The following HSF2BP variants were observed in gnomAD, a reference collection of about 807,000 sequenced individuals.
The protein encoded by HSF2BP is heat shock transcription factor 2 binding protein, also known as heat shock factor 2-binding protein.
HSF2BP carries 35 observed loss-of-function variants against 35.0 expected under a neutral mutation model. The observed-to-expected ratio is 1.00, with a 90% confidence interval of 0.76 to 1.32. HSF2BP has a LOEUF of 1.32. Among genes scored for constraint, HSF2BP ranks in the 40% most tolerant of loss-of-function variants. HSF2BP has a pLI of 0.00. For missense variants in HSF2BP, 326 were observed against 321.7 expected, an observed-to-expected ratio of 1.01 and a Z score of -0.10; for synonymous variants, 114 against 117.4, an observed-to-expected ratio of 0.97 and a Z score of 0.18.
intron 8 of HSF2BP, among the ~76,000 whole-genome samples, chr21:43,576,170 T>C (rs1240119341): frequency 6.6e-6 from 1 of 151,396 alleles, no homozygotes; most frequent in Non-Finnish European, 1.5e-5. Context: ...CAACAGTATG[T>C]AATGATATCA....
chr21:43,640,048 T>C (rs1039558494), intron 4 of HSF2BP, among the ~76,000 whole-genome samples: 2 of 152,178 alleles, frequency 1.3e-5, no homozygotes, highest in Admixed American at 6.5e-5. Flanking sequence ...ATGCCTGTAA[T>C]CCCAGCACTT....
At chr21:43,639,283 A>C (rs73223099) in intron 4 of HSF2BP, among the ~76,000 whole-genome samples, 2,063 of 152,330 alleles carry the variant, frequency 0.014, 20 homozygotes, top group Non-Finnish European at 0.018. Context: ...ACAGTCTATA[A>C]AAGGAGAAAT....
chr21:43,659,438 G>C lies in HSF2BP; in HGVS notation c.-277C>G. On this transcript the variant is annotated 5_prime_UTR_variant, in exon 1 of 9. Coordinates refer to ENST00000291560, the MANE Select transcript of HSF2BP (RefSeq NM_007031.2). The surrounding 1 kb of genome is among the most constrained non-coding windows in gnomAD (Gnocchi z 4.2). ...AACCGAAAGGCAGCGCCGGCGCCACGTGCACACGGGCTGGGCCGCTCCGCC... is the reference window on the plus strand; with the variant it reads ...AACCGAAAGGCAGCGCCGGCGCCACCTGCACACGGGCTGGGCCGCTCCGCC... The C allele has an allele frequency of 3.7e-6, 1 of 269,152 alleles. No individual in the cohort carries two copies. The highest frequency in any genetic ancestry group is 6.5e-6 in the Non-Finnish European group (1 of 153,576). The allele number at this position is 269,152 out of a possible 1,614,324, so 16.7% of individuals were successfully genotyped here.
chr21:43,643,434 A>C (rs1022791805), intron 4 of HSF2BP, among the ~76,000 whole-genome samples: 9 of 152,080 alleles, frequency 5.9e-5, no homozygotes, highest in African/African-American at 2.2e-4. Context: ...AGGGTGAGTG[A>C]GTTCTTGCTC....
At chr21:43,644,189 T>C in intron 4 of HSF2BP, 100 bp downstream of exon 4, 1 of 775,238 alleles carries the variant, frequency 1.3e-6, no homozygotes, top group Non-Finnish European at 2.2e-6. Flanking sequence ...TTATTGAGGA[T>C]TAAGAGTAAA....
At chr21:43,627,329 T>C (rs2082402606) in intron 6 of HSF2BP, among the ~76,000 whole-genome samples, 1 of 152,228 alleles carries the variant, frequency 6.6e-6, no homozygotes, top group Admixed American at 6.5e-5. Flanking sequence ...ATAATTATTA[T>C]ACTAAAACAA....
the HSF2BP span, among the ~76,000 whole-genome samples, chr21:43,505,500 T>C: frequency 1.0e-5 from 1 of 98,374 alleles, no homozygotes; most frequent in Admixed American, 9.8e-5. Context: ...GGGCTGTGTC[T>C]GGCTTGGGGC....
chr21:43,467,979 ACACACCACACC>A, the HSF2BP span, among the ~76,000 whole-genome samples: 1 of 112,702 alleles, frequency 8.9e-6, no homozygotes, highest in Non-Finnish European at 1.8e-5. Flanking sequence ...CACACACCAC[ACACACCACACC>A]CACACACACC....
chr21:43,598,067 C>T (rs1231069984), intron 7 of HSF2BP, among the ~76,000 whole-genome samples: 2 of 152,178 alleles, frequency 1.3e-5, no homozygotes, highest in Admixed American at 1.3e-4. Context: ...TAAGACTGGA[C>T]ACAATAAGCA....
chr21:43,656,763 T>C (rs1433059381), intron 2 of HSF2BP, 26 bp from the exon 3 acceptor site: 4 of 1,593,708 alleles, frequency 2.5e-6, no homozygotes, highest in Non-Finnish European at 2.6e-6. Context: ...GATCTTATTA[T>C]ATTTCTCTTC....
chr21:43,584,348 C>T (rs1037595754), intron 8 of HSF2BP, among the ~76,000 whole-genome samples: 4 of 152,162 alleles, frequency 2.6e-5, no homozygotes, highest in Non-Finnish European at 5.9e-5. Flanking sequence ...GCTGGTGTTT[C>T]AGTTTGAGTT....
intron 7 of HSF2BP, among the ~76,000 whole-genome samples, chr21:43,608,018 C>T (rs1174882409): frequency 1.3e-5 from 2 of 152,142 alleles, no homozygotes; most frequent in African/African-American, 4.8e-5. Flanking sequence ...AGGAAATAGT[C>T]TTCTGGATAT....
At chr21:43,608,181 T>C (rs1317387472) in intron 7 of HSF2BP, among the ~76,000 whole-genome samples, 2 of 151,780 alleles carry the variant, frequency 1.3e-5, no homozygotes, top group Admixed American at 1.3e-4. Context: ...GGAGAAAATA[T>C]TCGCAAACTA....
At chr21:43,499,720 C>A in the HSF2BP span, among the ~76,000 whole-genome samples, 2 of 119,210 alleles carry the variant, frequency 1.7e-5, 1 homozygote, top group Non-Finnish European at 3.9e-5. Flanking sequence ...TCCTGCCCCC[C>A]ACCTGCTCAC....
At chr21:43,643,414 T>G (rs1407370468) in intron 4 of HSF2BP, among the ~76,000 whole-genome samples, 1 of 152,174 alleles carries the variant, frequency 6.6e-6, no homozygotes, top group Non-Finnish European at 1.5e-5. Context: ...GCGATTAATG[T>G]GCTCTCTGGA....
At chr21:43,657,246 TG>T (rs1568948542) in intron 2 of HSF2BP, among the ~76,000 whole-genome samples, 2 of 152,126 alleles carry the variant, frequency 1.3e-5, no homozygotes, top group Non-Finnish European at 2.9e-5. Context: ...GGCCGGCGCC[TG>T]TACGCAGCAG....
At chr21:43,574,085 TCA>T (rs918756679) in intron 8 of HSF2BP, among the ~76,000 whole-genome samples, 11 of 152,108 alleles carry the variant, frequency 7.2e-5, no homozygotes, top group African/African-American at 2.7e-4. Flanking sequence ...TGTGGCGCTC[TCA>T]CAGGGGGAGG....
intron 7 of HSF2BP, among the ~76,000 whole-genome samples, chr21:43,610,648 A>AT (rs1021241989): frequency 6.6e-6 from 1 of 151,982 alleles, no homozygotes; most frequent in African/African-American, 2.4e-5. Flanking sequence ...ATACACATAT[A>AT]TTTTTTCTCT....
intron 3 of HSF2BP, among the ~76,000 whole-genome samples, chr21:43,649,409 G>T (rs548671419): frequency 6.6e-6 from 1 of 151,768 alleles, no homozygotes; most frequent in Non-Finnish European, 1.5e-5. Flanking sequence ...CTCCAGCCTG[G>T]GTGACAGAGG....
Sources: gnomAD v4.1 joint callset for allele counts (sites outside exome capture counted in the v4.1 genomes callset) on GRCh38, gnomAD v4.1.1 for gene constraint, Gnocchi (gnomAD v3.1) non-coding constraint, MANE v1.5 for transcripts, NCBI Gene and HGNC (gene_info 2026-07-23, HGNC 2026-07-21) for gene names.